WIPI2: variants seen among roughly 807,000 people sequenced by gnomAD.
WIPI2 encodes WD repeat domain, phosphoinositide interacting 2, also known as WD repeat domain phosphoinositide-interacting protein 2.
Under a neutral mutation model 52.3 loss-of-function variants are expected in WIPI2, and 28 were observed. The ratio of observed to expected loss-of-function variants is 0.54; its 90% confidence interval spans 0.40 to 0.73. WIPI2 has a LOEUF of 0.73. WIPI2 is among the 30% of genes least tolerant of loss of function. The pLI, the probability that WIPI2 is intolerant of heterozygous loss-of-function variation, is 0.00. For missense variants in WIPI2, 506 were observed against 602.9 expected (o/e 0.84, Z 1.68); for synonymous variants, 268 against 245.0 (o/e 1.09, Z -0.88).
chr7:5,223,928 C>A (rs1562405599), intron 8 of WIPI2, among the ~76,000 whole-genome samples: 1 of 152,266 alleles, frequency 6.6e-6, no homozygotes, highest in Non-Finnish European at 1.5e-5. Context: ...GCCACCTGAT[C>A]CAGGCTTTGC....
Position 5,230,349 on chromosome 7 carries a change from C to T in WIPI2, c.1253-486C>T, listed in dbSNP as rs1246588269. Among the ~76,000 whole-genome samples, 1 of 152,244 alleles carries T rather than the reference C, an allele frequency of 6.6e-6. No homozygotes were observed. The highest frequency in any genetic ancestry group is 1.5e-5 in the Non-Finnish European group (1 of 68,046). On this transcript the variant is annotated intron_variant, in intron 12 of 12. Coordinates refer to ENST00000288828, the MANE Select transcript of WIPI2 (RefSeq NM_015610.4). The surrounding 1 kb of genome is among the most constrained non-coding windows in gnomAD (Gnocchi z 4.8). ...AGCACTAAGACCCATGCATGAGATC[C>T]TCCAGCCACAGCCTTGGCTATGTGA...
At chr7:5,229,914 A>G (rs1037626119) in intron 12 of WIPI2, among the ~76,000 whole-genome samples, 176 bp downstream of exon 12, 1 of 149,322 alleles carries the variant, frequency 6.7e-6, no homozygotes, top group Admixed American at 6.8e-5. Flanking sequence ...TCAAGGCTGA[A>G]TTCAGTTTCG....
chr7:5,190,660 G>GC, intron 1 of WIPI2, 167 bp downstream of exon 1: 1 of 550,872 alleles, frequency 1.8e-6, no homozygotes, highest in Non-Finnish European at 2.8e-6. Context: ...AGGGAGGGGC[G>GC]CCCTCCAGGG....
chr7:5,195,634 G>A (rs1781712803), intron 2 of WIPI2, among the ~76,000 whole-genome samples: 1 of 152,148 alleles, frequency 6.6e-6, no homozygotes, highest in Non-Finnish European at 1.5e-5. Context: ...CCATTTTATG[G>A]TCAGGTCAAT....
intron 8 of WIPI2, 116 bp downstream of exon 8, chr7:5,222,788 G>T (rs918197707): frequency 1.5e-5 from 15 of 1,013,496 alleles, no homozygotes; most frequent in Non-Finnish European, 2.3e-5. Flanking sequence ...AGCATTTCTA[G>T]CCCGGCTGGG....
At chr7:5,225,775 G>A in intron 8 of WIPI2, 48 bp from the exon 9 acceptor site, 1 of 1,414,218 alleles carries the variant, frequency 7.1e-7, no homozygotes, top group Non-Finnish European at 9.8e-7. Flanking sequence ...GAACCCCTGG[G>A]GCAGCTGCTG....
chr7:5,216,102 C>G (rs1432336624), intron 4 of WIPI2: 1 of 155,526 alleles, frequency 6.4e-6, no homozygotes, highest in African/African-American at 2.4e-5. Flanking sequence ...TCCGGCCTGG[C>G]TCCTTCTTGA....
intron 4 of WIPI2, among the ~76,000 whole-genome samples, chr7:5,215,846 T>G (rs1283697706): frequency 1.3e-5 from 2 of 152,210 alleles, no homozygotes; most frequent in East Asian, 3.8e-4. Context: ...CTACATTCAT[T>G]TTCTTCCAAA....
rs565534959 is a variant in WIPI2 at position 5,215,895 on chromosome 7, A to T, written c.382-668A>T. Reference sequence around the variant, plus strand: ...TGCAAAGTAATCTGAGTGCACAATAAAATGTTAGACCTTTTAAAACCCCCT... The same window carrying T: ...TGCAAAGTAATCTGAGTGCACAATATAATGTTAGACCTTTTAAAACCCCCT... On this transcript the variant is annotated intron_variant, in intron 4 of 12. Transcript: ENST00000288828. Among the ~76,000 whole-genome samples the T allele has an allele frequency of 3.9e-5, 6 of 152,340 alleles. No homozygotes were observed. In the South Asian group the frequency reaches 1.2e-3, roughly 32 times the overall value.
intron 3 of WIPI2, among the ~76,000 whole-genome samples, chr7:5,206,462 C>T (rs553173237): frequency 3.3e-5 from 5 of 152,282 alleles, no homozygotes; most frequent in East Asian, 1.9e-4. Context: ...CAGTTAAAAA[C>T]GAGCTTTTCT....
rs112515102 is a variant in WIPI2, at chr7:5,205,272, G to A, written c.211+5614G>A. Among the ~76,000 whole-genome samples, 510 of 152,252 alleles carry A rather than the reference G, an allele frequency of 3.3e-3. 8 individuals are homozygous for A. The highest frequency in any genetic ancestry group is 0.012 in the African/African-American group (488 of 41,548). ...ATTACAGGCGCGAGCCACTGCACCC[G>A]GCCCTGGCCTATTAGTCTTAAGTAA... On this transcript the variant is annotated intron_variant, in intron 3 of 12. Coordinates refer to ENST00000288828, the MANE Select transcript of WIPI2 (RefSeq NM_015610.4).
intron 3 of WIPI2, among the ~76,000 whole-genome samples, chr7:5,210,994 A>G (rs1042732881): frequency 1.3e-5 from 2 of 152,166 alleles, no homozygotes; most frequent in African/African-American, 4.8e-5. Context: ...GGGATACTCG[A>G]CGACACTCAG....
rs1480355987 is a variant in WIPI2 at position 5,220,939 on chromosome 7, GC to G, written c.670-1662del. 6.7e-5 allele frequency among the ~76,000 whole-genome samples: 10 copies of G among 150,206 alleles called. No homozygotes were observed. In the East Asian group the frequency reaches 2.0e-3, roughly 29 times the overall value. On this transcript the variant is annotated intron_variant, in intron 7 of 12. Transcript: ENST00000288828. ...CTCCCAACTAGCTGGGACTACAGGT[GC>G]GTGCCACCACACCCACCTAATTTTT...
At chr7:5,223,139 A>G (rs970891633) in intron 8 of WIPI2, among the ~76,000 whole-genome samples, 18 of 152,136 alleles carry the variant, frequency 1.2e-4, no homozygotes, top group African/African-American at 4.1e-4. Flanking sequence ...CCAGGCTGCA[A>G]AGCTTCCCTC....
intron 8 of WIPI2, among the ~76,000 whole-genome samples, chr7:5,224,657 A>G (rs1345192053): frequency 6.6e-6 from 1 of 152,154 alleles, no homozygotes; most frequent in Non-Finnish European, 1.5e-5. Flanking sequence ...GTCTTCTTGC[A>G]CTCAGTGAGT....
At chr7:5,223,286 G>A (rs1032782281) in intron 8 of WIPI2, among the ~76,000 whole-genome samples, 1 of 152,176 alleles carries the variant, frequency 6.6e-6, no homozygotes. Context: ...ACTTTCAGTC[G>A]CATGGCCGTG....
chr7:5,225,499 A>G (rs530580119), intron 8 of WIPI2, among the ~76,000 whole-genome samples: 19 of 152,168 alleles, frequency 1.2e-4, no homozygotes, highest in Non-Finnish European at 2.6e-4. Flanking sequence ...TGTGGAAAGA[A>G]TGGCTGTAAC....
At chr7:5,200,213 AG>A (rs1359583851) in intron 3 of WIPI2, among the ~76,000 whole-genome samples, 1 of 152,196 alleles carries the variant, frequency 6.6e-6, no homozygotes, top group Non-Finnish European at 1.5e-5. Flanking sequence ...GAAATAATGC[AG>A]GTCTGTAAGA....
At chr7:5,214,135 C>G in intron 3 of WIPI2, 1 of 550,958 alleles carries the variant, frequency 1.8e-6, no homozygotes, top group Non-Finnish European at 2.7e-6. Context: ...GCGCTCAGCA[C>G]ATGAGTCTAT....
Sources: gnomAD v4.1 joint callset for allele counts (sites outside exome capture counted in the v4.1 genomes callset) on GRCh38, gnomAD v4.1.1 for gene constraint, Gnocchi (gnomAD v3.1) non-coding constraint, MANE v1.5 for transcripts, NCBI Gene and HGNC (gene_info 2026-07-23, HGNC 2026-07-21) for gene names.